Variants in LIMCH1 observed in about 807,000 individuals in gnomAD.
The protein encoded by LIMCH1 is LIM and calponin homology domains 1, also known as LIM and calponin homology domains-containing protein 1.
LIMCH1 carries 113 observed loss-of-function variants against 176.5 expected under a neutral mutation model. The ratio of observed to expected loss-of-function variants is 0.64; its 90% CI spans 0.55 to 0.75. The LOEUF (loss-of-function observed/expected upper bound fraction) is 0.75, where lower values mean the gene tolerates loss of function less well. Among genes scored for constraint, LIMCH1 ranks in the 30% least tolerant of loss-of-function variants. The probability of loss-of-function intolerance (pLI) is 0.00; values close to 1 mark genes in which losing one functional copy is unlikely to be tolerated. For missense variants in LIMCH1, 1,674 were observed against 1,814.9 expected, an observed-to-expected ratio of 0.92 and a Z score of 1.41; for synonymous variants, 619 against 645.9, an observed-to-expected ratio of 0.96 and a Z score of 0.63.
intron 18 of LIMCH1, among the ~76,000 whole-genome samples, chr4:41,652,716 C>G (rs947176164): frequency 4.6e-5 from 7 of 152,178 alleles, no homozygotes; most frequent in African/African-American, 1.7e-4. Flanking sequence ...AAAGATTTCA[C>G]ATTGATTACA....
At chr4:41,548,025 A>G (rs189219111) in intron 1 of LIMCH1, among the ~76,000 whole-genome samples, 5 of 151,508 alleles carry the variant, frequency 3.3e-5, no homozygotes, top group Admixed American at 6.6e-5. Flanking sequence ...ATTAAATAGC[A>G]TAGTAATAGT....
At position 41,448,864 on chromosome 4, in the gene LIMCH1, T is replaced by C. The variant is rs571109227; in HGVS notation, c.97-45672T>C. Among the ~76,000 whole-genome samples the C allele has an allele frequency of 3.3e-5, 5 of 152,196 alleles. No individual in the cohort carries two copies. The South Asian group carries it at 1.0e-3, about 31-fold the overall frequency. On this transcript the variant is annotated intron_variant, in intron 1 of 26. Coordinates refer to the LIMCH1 transcript ENST00000313860. ...TTATTAAATATTCAGTAAAAAAGCT[T>C]TTGAGCATGTACCCCCAATTTACGT...
chr4:41,676,537 T>A (rs1487360053), intron 23 of LIMCH1, 75 bp downstream of exon 23: 4 of 1,054,894 alleles, frequency 3.8e-6, no homozygotes, highest in Non-Finnish European at 5.9e-6. Context: ...AATAGACTTT[T>A]AGCACAGGAA....
intron 2 of LIMCH1, among the ~76,000 whole-genome samples, chr4:41,522,592 A>G (rs2076229961): frequency 6.6e-6 from 1 of 152,218 alleles, no homozygotes; most frequent in South Asian, 2.1e-4. Context: ...AGCGAGAAAA[A>G]GAATTTTGTA....
chr4:41,681,836 A>G (rs1369176569), intron 25 of LIMCH1, among the ~76,000 whole-genome samples: 2 of 152,190 alleles, frequency 1.3e-5, no homozygotes, highest in Admixed American at 6.5e-5. Flanking sequence ...ACCTAAATAA[A>G]TAAATAAAAT....
chr4:41,560,787 G>A (rs1384083293), intron 1 of LIMCH1, among the ~76,000 whole-genome samples: 9 of 152,126 alleles, frequency 5.9e-5, no homozygotes, highest in Admixed American at 5.9e-4. Context: ...GGGAGACCAA[G>A]GTAGATGGGT....
chr4:41,565,664 T>C (rs1396047784), intron 1 of LIMCH1, among the ~76,000 whole-genome samples: 1 of 152,158 alleles, frequency 6.6e-6, no homozygotes, highest in Non-Finnish European at 1.5e-5. Flanking sequence ...GGTGAACTAT[T>C]AGGTCCCCAA....
chr4:41,633,905 G>A (rs898495832), intron 13 of LIMCH1, 97 bp downstream of exon 13: 1 of 1,288,832 alleles, frequency 7.8e-7, no homozygotes, highest in Non-Finnish European at 1.0e-6. Context: ...CCGCTTACCT[G>A]CTGTTGCTAG....
At chr4:41,547,863 G>GTGTATATATATATATA (rs774873739) in intron 1 of LIMCH1, among the ~76,000 whole-genome samples, 47 of 93,206 alleles carry the variant, frequency 5.0e-4, no homozygotes, top group Middle Eastern at 6.8e-3. Flanking sequence ...TTGTGTGTGT[G>GTGTATATATATATATA]TATATATATA....
At chr4:41,547,426 C>A (rs2079611169) in intron 1 of LIMCH1, among the ~76,000 whole-genome samples, 1 of 151,816 alleles carries the variant, frequency 6.6e-6, no homozygotes, top group African/African-American at 2.4e-5. Context: ...TCTTCCTGTG[C>A]TTTTTATTCT....
At chr4:41,675,710 G>C (rs1470875285) in intron 22 of LIMCH1, among the ~76,000 whole-genome samples, 1 of 149,534 alleles carries the variant, frequency 6.7e-6, no homozygotes, top group Non-Finnish European at 1.5e-5. Flanking sequence ...CTGGGCACCT[G>C]CTTCGGTTCA....
chr4:41,491,738 A>T (rs1163619243), intron 1 of LIMCH1, among the ~76,000 whole-genome samples: 1 of 129,154 alleles, frequency 7.7e-6, no homozygotes, highest in Non-Finnish European at 1.6e-5. Context: ...GGGGGCGGCC[A>T]GGCAGAGGCG....
At chr4:41,399,700 T>TTTTTTTTGG (rs2058177644) in intron 1 of LIMCH1, among the ~76,000 whole-genome samples, 2 of 147,420 alleles carry the variant, frequency 1.4e-5, no homozygotes, top group Non-Finnish European at 3.0e-5. Context: ...TTTTTTTTTT[T>TTTTTTTTGG]GAGATGGAGT....
intron 1 of LIMCH1, among the ~76,000 whole-genome samples, chr4:41,395,185 T>C (rs961567253): frequency 1.3e-5 from 2 of 152,128 alleles, no homozygotes; most frequent in Admixed American, 6.5e-5. Context: ...CTATTTTATA[T>C]TTTTACAATA....
intron 1 of LIMCH1, among the ~76,000 whole-genome samples, chr4:41,585,270 A>G (rs553683104): frequency 4.6e-5 from 7 of 152,278 alleles, no homozygotes; most frequent in Admixed American, 1.3e-4. Context: ...TGACTACTCT[A>G]AGTACCTCAT....
At chr4:41,526,395 C>G (rs2076659883) in intron 3 of LIMCH1, among the ~76,000 whole-genome samples, 1 of 151,982 alleles carries the variant, frequency 6.6e-6, no homozygotes, top group South Asian at 2.1e-4. Context: ...ACCTACTAAC[C>G]CATTCACTAG....
intron 23 of LIMCH1, among the ~76,000 whole-genome samples, 176 bp downstream of exon 23, chr4:41,676,638 TC>T (rs2153031947): frequency 6.6e-6 from 1 of 152,258 alleles, no homozygotes; most frequent in East Asian, 1.9e-4. Context: ...GTCTCATTCT[TC>T]CTGCCAAAGA....
At chr4:41,580,242 G>A (rs1343081256) in intron 1 of LIMCH1, among the ~76,000 whole-genome samples, 5 of 152,158 alleles carry the variant, frequency 3.3e-5, no homozygotes, top group Non-Finnish European at 5.9e-5. Context: ...TCCATGGAAC[G>A]TGTACTGTCC....
intron 1 of LIMCH1, among the ~76,000 whole-genome samples, chr4:41,448,732 A>T (rs2063530051): frequency 6.6e-6 from 1 of 152,108 alleles, no homozygotes; most frequent in East Asian, 1.9e-4. Context: ...ATCATTTCCC[A>T]ACCTTTCCTT....
Sources: gnomAD v4.1 joint callset for allele counts (sites outside exome capture counted in the v4.1 genomes callset) on GRCh38, gnomAD v4.1.1 for gene constraint, MANE v1.5 for transcripts, NCBI Gene and HGNC (gene_info 2026-07-23, HGNC 2026-07-21) for gene names.